TLK1: variants seen among roughly 807,000 people sequenced by gnomAD.
TLK1 encodes the protein tousled like kinase 1.
In TLK1, 24 loss-of-function variants were observed where a neutral mutation model predicts 105.3. The ratio of observed to expected loss-of-function variants is 0.23; its 90% CI spans 0.17 to 0.32. The LOEUF is 0.32. Ranked by LOEUF, TLK1 falls within the 10% of genes least tolerant of loss-of-function variation. The probability of loss-of-function intolerance (pLI) is 1.00; values close to 1 mark genes in which losing one functional copy is unlikely to be tolerated. For synonymous variants in TLK1, 321 were observed against 310.4 expected (o/e 1.03, Z -0.36); for missense variants, 558 against 910.5 (o/e 0.61, Z 4.98).
intron 3 of TLK1, among the ~76,000 whole-genome samples, chr2:171,071,175 T>G (rs937150226): frequency 6.6e-6 from 1 of 152,260 alleles, no homozygotes; most frequent in Non-Finnish European, 1.5e-5. Flanking sequence ...AGTTATTTAT[T>G]CCTTGTCAGA....
intron 1 of TLK1, chr2:171,159,490 A>G (rs528599262): frequency 1.2e-4 from 19 of 152,260 alleles, no homozygotes; most frequent in Non-Finnish European, 2.2e-4. Flanking sequence ...GAAAACTTAG[A>G]AAACAATTGT....
At chr2:171,204,898 C>A (rs1049365998) in intron 1 of TLK1, among the ~76,000 whole-genome samples, 4 of 150,672 alleles carry the variant, frequency 2.7e-5, no homozygotes, top group Non-Finnish European at 5.9e-5. Context: ...TCGGAGGTTG[C>A]GGTCAGAGCG....
chr2:171,148,456 TTTTTC>T lies in TLK1; in HGVS notation c.139+11829_139+11833del, dbSNP rs1210684046. On this transcript the variant is annotated intron_variant, in intron 1 of 20. Transcript: ENST00000431350. ...GTCATTGTTGCTCTTGGTGGTGTATTTTTTCTTTTGAGAGAAAGGCGAGACAAAAA... is the reference window on the plus strand; with the variant it reads ...GTCATTGTTGCTCTTGGTGGTGTATTTTTTGAGAGAAAGGCGAGACAAAAA... Among the ~76,000 whole-genome samples, 2 of 152,166 alleles carry T rather than the reference TTTTTC, an allele frequency of 1.3e-5. 1 individual carries two copies. Among genetic ancestry groups the T allele is most frequent in the African/African-American group, 4.8e-5 (2 of 41,504 alleles).
In TLK1 at chr2:171,174,466, G is replaced by A. The variant is rs548932031; in HGVS notation, c.-5-56609C>T. Among the ~76,000 whole-genome samples the A allele has an allele frequency of 5.0e-4, 76 of 152,170 alleles. 1 individual carries two copies. The highest frequency in any genetic ancestry group is 7.2e-4 in the Admixed American group (11 of 15,290). ...TGTTTTTATCACTAACATTAAAACG[G>A]AGCAATTTTTTAATTTGCCAAGGTA... is the stretch of plus-strand genomic sequence containing the variant. On this transcript the variant is annotated intron_variant, in intron 1 of 20. Transcript: ENST00000521943.
At chr2:171,072,320 G>C (rs952953539) in intron 3 of TLK1, among the ~76,000 whole-genome samples, 1 of 152,084 alleles carries the variant, frequency 6.6e-6, no homozygotes, top group African/African-American at 2.4e-5. Context: ...ACTACTTTGA[G>C]TAATGTCTAA....
intron 1 of TLK1, among the ~76,000 whole-genome samples, chr2:171,222,378 AG>A (rs1345985234): frequency 6.6e-6 from 1 of 152,098 alleles, no homozygotes; most frequent in East Asian, 1.9e-4. Flanking sequence ...TCTGTTGCCG[AG>A]GCTGGAGTGG....
chr2:171,120,076 G>A (rs533651024), intron 1 of TLK1, among the ~76,000 whole-genome samples: 9 of 151,758 alleles, frequency 5.9e-5, no homozygotes, highest in South Asian at 4.2e-4. Flanking sequence ...TCTACTAAAC[G>A]TCTCTACTAA....
intron 1 of TLK1, among the ~76,000 whole-genome samples, chr2:171,180,858 T>C (rs1245564244): frequency 1.3e-5 from 2 of 150,992 alleles, no homozygotes; most frequent in Non-Finnish European, 2.9e-5. Context: ...TAGCATAATG[T>C]TCAAAGCTGG....
At chr2:170,998,034 C>T (rs562839894) in intron 18 of TLK1, among the ~76,000 whole-genome samples, 1 of 150,044 alleles carries the variant, frequency 6.7e-6, no homozygotes, top group Admixed American at 6.7e-5. Context: ...TAAAGTTCAT[C>T]TCTATCTATC....
chr2:171,155,636 A>G (rs1558972420), intron 1 of TLK1: 1 of 152,298 alleles, frequency 6.6e-6, no homozygotes, highest in East Asian at 1.9e-4. Flanking sequence ...AATAGCACTC[A>G]TCGTAAGAAT....
At chr2:171,023,653 T>C (rs1046041511) in intron 12 of TLK1, among the ~76,000 whole-genome samples, 1 of 152,222 alleles carries the variant, frequency 6.6e-6, no homozygotes, top group African/African-American at 2.4e-5. Context: ...TTACTGGACC[T>C]AATAACTTTC....
chr2:170,994,699 G>A (rs1683969092), intron 20 of TLK1: 2 of 517,918 alleles, frequency 3.9e-6, no homozygotes, highest in Non-Finnish European at 3.9e-6. Context: ...CACTGGCTCT[G>A]TCCCCAGTCG....
At chr2:171,037,722 T>C (rs1347323895) in intron 11 of TLK1, among the ~76,000 whole-genome samples, 1 of 152,196 alleles carries the variant, frequency 6.6e-6, no homozygotes, top group African/African-American at 2.4e-5. Flanking sequence ...TTGGTCTTCA[T>C]AAATTAGCAT....
At chr2:171,139,773 T>A (rs1328887798) in intron 1 of TLK1, among the ~76,000 whole-genome samples, 1 of 112,864 alleles carries the variant, frequency 8.9e-6, no homozygotes, top group African/African-American at 3.4e-5. Context: ...TTGGCACCAG[T>A]GGCCAGTTTC....
intron 3 of TLK1, among the ~76,000 whole-genome samples, chr2:171,072,754 C>A (rs1688320172): frequency 6.6e-6 from 1 of 151,388 alleles, no homozygotes; most frequent in African/African-American, 2.4e-5. Flanking sequence ...GGCAACAGAA[C>A]AAAAACTCCA....
At chr2:171,155,806 T>C (rs910557572) in intron 1 of TLK1, 1 of 152,356 alleles carries the variant, frequency 6.6e-6, no homozygotes, top group African/African-American at 2.4e-5. Context: ...AGTTCTTACA[T>C]TCTGGTAAAA....
chr2:171,077,673 T>C (rs1230692376), intron 3 of TLK1, among the ~76,000 whole-genome samples: 1 of 152,248 alleles, frequency 6.6e-6, no homozygotes, highest in Non-Finnish European at 1.5e-5. Flanking sequence ...GATCCCTCTG[T>C]AACTTTTAAA....
intron 11 of TLK1, among the ~76,000 whole-genome samples, chr2:171,040,263 G>T (rs772636617): frequency 6.6e-6 from 1 of 152,106 alleles, no homozygotes; most frequent in Non-Finnish European, 1.5e-5. Context: ...CAGGATTTTA[G>T]AAAAATCAGT....
intron 2 of TLK1, among the ~76,000 whole-genome samples, chr2:171,117,010 T>C (rs1242147626): frequency 6.6e-6 from 1 of 152,148 alleles, no homozygotes; most frequent in Non-Finnish European, 1.5e-5. Flanking sequence ...CAGTTTGAGG[T>C]AGACAATCTG....
Sources: allele counts gnomAD v4.1 joint callset (sites outside exome capture counted in the v4.1 genomes callset), GRCh38; gene constraint gnomAD v4.1.1; transcripts MANE v1.5; gene names NCBI Gene and HGNC (gene_info 2026-07-23, HGNC 2026-07-21).